Variants in ZNF704 observed in about 807,000 individuals in gnomAD.
ZNF704 encodes zinc finger protein 704.
Under a neutral mutation model 44.7 loss-of-function variants are expected in ZNF704, and 10 were observed. The observed-to-expected ratio is 0.22, with a 90% CI of 0.14 to 0.38. The LOEUF (loss-of-function observed/expected upper bound fraction) is 0.38, where lower values mean the gene tolerates loss of function less well. Ranked by LOEUF, ZNF704 falls within the 10% of genes least tolerant of loss-of-function variation. The probability of loss-of-function intolerance (pLI) is 1.00; values close to 1 mark genes in which losing one functional copy is unlikely to be tolerated. For synonymous variants in ZNF704, 211 were observed against 207.6 expected (o/e 1.02, Z -0.14); for missense variants, 390 against 545.5 (o/e 0.71, Z 2.84).
chr8:80,804,128 A>AGTAT (rs1262072188), intron 2 of ZNF704, among the ~76,000 whole-genome samples: 2 of 152,216 alleles, frequency 1.3e-5, no homozygotes, highest in African/African-American at 4.8e-5. Context: ...ATCCATAATG[A>AGTAT]GATACCATCT....
intron 2 of ZNF704, among the ~76,000 whole-genome samples, chr8:80,808,930 C>G (rs144789080): frequency 6.6e-6 from 1 of 152,284 alleles, no homozygotes; most frequent in East Asian, 1.9e-4. Flanking sequence ...GTGTCATTAA[C>G]GATTAGGGTT....
chr8:80,642,262 T>A (rs1038461033), intron 8 of ZNF704, among the ~76,000 whole-genome samples: 2 of 152,168 alleles, frequency 1.3e-5, no homozygotes, highest in Non-Finnish European at 2.9e-5. Context: ...GTATAAAAAT[T>A]TTTTTCTTTC....
Position 80,734,643 on chromosome 8 carries a change from G to A in ZNF704, c.222-41536C>T, listed in dbSNP as rs1300735939. Among the ~76,000 whole-genome samples the A allele has an allele frequency of 5.9e-5, 9 of 152,296 alleles. No individual in the cohort carries two copies. In the South Asian group the frequency reaches 1.2e-3, roughly 21 times the overall value. ...CTTATTTCCTGTTGAAATACAGTTT[G>A]AGTTTATCAACAATAGAAAGATGAG... On this transcript the variant is annotated intron_variant, in intron 2 of 8. Coordinates refer to ENST00000327835, the MANE Select transcript of ZNF704 (RefSeq NM_001033723.3).
At chr8:80,764,633 T>C (rs1339283152) in intron 2 of ZNF704, among the ~76,000 whole-genome samples, 1 of 152,200 alleles carries the variant, frequency 6.6e-6, no homozygotes, top group Non-Finnish European at 1.5e-5. Context: ...GCATTTACAT[T>C]TGGAGAGTGG....
intron 2 of ZNF704, among the ~76,000 whole-genome samples, chr8:80,715,866 G>A (rs530847111): frequency 6.6e-6 from 1 of 152,156 alleles, no homozygotes; most frequent in East Asian, 1.9e-4. Flanking sequence ...GATCACCTGA[G>A]GTCAGGAGTT....
chr8:80,643,030 C>T lies in ZNF704; in HGVS notation c.1127+5G>A, dbSNP rs374943181. The T allele has an allele frequency of 2.6e-6, 4 of 1,568,502 alleles. No homozygotes were observed. Among genetic ancestry groups the T allele is most frequent in the South Asian group, 2.4e-5 (2 of 84,740 alleles). ...AGGTGTGTGGAGTTTTTTAAGCTGT[C>T]GTACCTTAAGCTGACTGTGCCTCTG... On this transcript the variant is annotated splice_donor_5th_base_variant and intron_variant, in intron 8 of 8. Transcript: ENST00000327835.
intron 2 of ZNF704, among the ~76,000 whole-genome samples, chr8:80,781,039 T>A (rs1807513785): frequency 6.6e-6 from 1 of 152,190 alleles, no homozygotes; most frequent in Non-Finnish European, 1.5e-5. Context: ...TAAAACACAA[T>A]AAGTTCGGCA....
intron 2 of ZNF704, among the ~76,000 whole-genome samples, chr8:80,808,267 G>C (rs924063624): frequency 1.3e-5 from 2 of 152,178 alleles, no homozygotes; most frequent in African/African-American, 4.8e-5. Flanking sequence ...ATCTGCAACT[G>C]AAGGTAGAAA....
chr8:80,879,976 T>A, the ZNF704 span, among the ~76,000 whole-genome samples: 2 of 152,182 alleles, frequency 1.3e-5, no homozygotes, highest in Non-Finnish European at 2.9e-5. Flanking sequence ...CAACCACACA[T>A]GAACCTGAGC....
At position 80,846,809 on chromosome 8, in the gene ZNF704, C is replaced by T. The variant is rs113619858; in HGVS notation, c.-21-25194G>A. 8.1e-3 allele frequency among the ~76,000 whole-genome samples: 1,239 copies of T among 152,278 alleles called. 15 individuals carry two copies. Among genetic ancestry groups the T allele is most frequent in the African/African-American group, 0.028 (1,148 of 41,540 alleles). On this transcript the variant is annotated intron_variant, in intron 1 of 8. Transcript: ENST00000327835. ...CCCAGCTCAGCAAGATTGCAGGATA[C>T]AAGATCAACATACAAAAAACAGTCA...
chr8:80,748,783 C>T (rs1186166280), intron 2 of ZNF704, among the ~76,000 whole-genome samples: 3 of 152,066 alleles, frequency 2.0e-5, no homozygotes, highest in Admixed American at 1.3e-4. Context: ...AGTTAAAAAA[C>T]GAGGAAGGGA....
chr8:80,681,717 G>T (rs1434438543), intron 4 of ZNF704, among the ~76,000 whole-genome samples: 4 of 152,138 alleles, frequency 2.6e-5, no homozygotes, highest in African/African-American at 9.7e-5. Context: ...GTCATTCTGT[G>T]CTTCCTCAAT....
Position 80,640,451 on chromosome 8 carries a change from T to G in ZNF704, c.*915A>C, listed in dbSNP as rs1250347501. 2 of 152,582 alleles carry G rather than the reference T, an allele frequency of 1.3e-5. No individual in the cohort carries two copies. Among genetic ancestry groups the G allele is most frequent in the African/African-American group, 4.8e-5 (2 of 41,442 alleles). 9.5% of individuals were successfully genotyped at this position (152,582 alleles called of 1,614,324 possible). A position where few individuals can be genotyped will look rare whatever the true frequency, so the allele number is the denominator to read the frequency against. On this transcript the variant is annotated 3_prime_UTR_variant, in exon 9 of 9. Coordinates refer to ENST00000327835, the MANE Select transcript of ZNF704 (RefSeq NM_001033723.3). ...ATGACCCATTAACCTGGCTACAATCTTGACAGACAAGCAGTAACAAATAGC... is the reference window on the plus strand; with the variant it reads ...ATGACCCATTAACCTGGCTACAATCGTGACAGACAAGCAGTAACAAATAGC...
At chr8:80,778,093 T>C (rs1563550041) in intron 2 of ZNF704, among the ~76,000 whole-genome samples, 1 of 152,090 alleles carries the variant, frequency 6.6e-6, no homozygotes, top group Non-Finnish European at 1.5e-5. Context: ...GAATCACCCA[T>C]TGAGAAAATA....
chr8:80,690,865 T>C (rs1818621926), intron 3 of ZNF704, among the ~76,000 whole-genome samples: 1 of 152,126 alleles, frequency 6.6e-6, no homozygotes, highest in South Asian at 2.1e-4. Flanking sequence ...AAAAATTACC[T>C]GGGTGTGGTG....
intron 2 of ZNF704, among the ~76,000 whole-genome samples, chr8:80,804,159 T>C (rs924979500): frequency 1.3e-5 from 2 of 152,108 alleles, no homozygotes; most frequent in Admixed American, 6.6e-5. Flanking sequence ...AGAATGGCTA[T>C]TAAAAAGTTA....
In ZNF704 at chr8:80,628,643, G is replaced by A. The variant is rs187760253; in HGVS notation, c.*12723C>T. ...TAGAACCATCCACAAAGTAAGTACA[G>A]GTCAACAATGATATCAGACTAGATT... On this transcript the variant is annotated 3_prime_UTR_variant, in exon 9 of 9. Transcript: ENST00000327835. 2.2e-4 allele frequency: 34 copies of A among 152,264 alleles called. No individual in the cohort carries two copies. The allele number at this position is 152,264 out of a possible 1,614,324, so 9.4% of individuals were successfully genotyped here. A position where few individuals can be genotyped will look rare whatever the true frequency, so the allele number is the denominator to read the frequency against.
intron 2 of ZNF704, among the ~76,000 whole-genome samples, chr8:80,714,696 C>T (rs144555287): frequency 2.0e-5 from 3 of 152,246 alleles, no homozygotes; most frequent in South Asian, 4.1e-4. Flanking sequence ...TTTCTCTTAG[C>T]GACCATTAGT....
intron 2 of ZNF704, among the ~76,000 whole-genome samples, chr8:80,793,563 G>C (rs1467783619): frequency 6.6e-6 from 1 of 151,958 alleles, no homozygotes; most frequent in Non-Finnish European, 1.5e-5. Context: ...TTTATGTAAA[G>C]CATAATATAA....
Sources: allele counts gnomAD v4.1 joint callset (sites outside exome capture counted in the v4.1 genomes callset), GRCh38; gene constraint gnomAD v4.1.1; transcripts MANE v1.5; gene names NCBI Gene and HGNC (gene_info 2026-07-23, HGNC 2026-07-21).